Variants in PLPPR1 observed in about 807,000 individuals in gnomAD.
PLPPR1 encodes the protein phospholipid phosphatase related 1, also known as phospholipid phosphatase-related protein type 1.
Under a neutral mutation model 33.1 loss-of-function variants are expected in PLPPR1, and 10 were observed. The ratio of observed to expected loss-of-function variants is 0.30; its 90% CI spans 0.19 to 0.51. PLPPR1 has a LOEUF of 0.51. PLPPR1 is among the 20% of genes least tolerant of loss of function. PLPPR1 has a pLI of 0.97. For synonymous variants in PLPPR1, 151 were observed against 151.0 expected, an observed-to-expected ratio of 1.00 and a Z score of 0.00; for missense variants, 304 against 408.1, an observed-to-expected ratio of 0.74 and a Z score of 2.20.
chr9:101,181,144 T>C (rs1262612706), intron 1 of PLPPR1, among the ~76,000 whole-genome samples: 2 of 147,732 alleles, frequency 1.4e-5, no homozygotes, highest in African/African-American at 4.9e-5. Flanking sequence ...ATATCTAATA[T>C]ATATTAGATA....
At chr9:101,266,521 C>T (rs1285875867) in intron 2 of PLPPR1, among the ~76,000 whole-genome samples, 1 of 152,114 alleles carries the variant, frequency 6.6e-6, no homozygotes, top group Non-Finnish European at 1.5e-5. Flanking sequence ...GGTGGGTGGT[C>T]AGTTCTGTCA....
At chr9:101,149,072 C>T (rs1831553090) in intron 1 of PLPPR1, among the ~76,000 whole-genome samples, 1 of 152,116 alleles carries the variant, frequency 6.6e-6, no homozygotes, top group South Asian at 2.1e-4. Context: ...GTAATAAGCA[C>T]CAGTGTTATG....
At chr9:101,304,356 C>T (rs571414535) in intron 4 of PLPPR1, among the ~76,000 whole-genome samples, 1 of 152,310 alleles carries the variant, frequency 6.6e-6, no homozygotes, top group East Asian at 1.9e-4. Flanking sequence ...GCAATTCATT[C>T]ATTGATCCCA....
chr9:101,109,636 G>T (rs1831026011), intron 1 of PLPPR1, among the ~76,000 whole-genome samples: 1 of 152,108 alleles, frequency 6.6e-6, no homozygotes, highest in Non-Finnish European at 1.5e-5. Context: ...TACATAGTAG[G>T]TTCATGCACA....
intron 1 of PLPPR1, among the ~76,000 whole-genome samples, chr9:101,140,272 G>T (rs180802840): frequency 2.0e-5 from 3 of 152,104 alleles, no homozygotes; most frequent in Non-Finnish European, 4.4e-5. Flanking sequence ...TAGAGAAAGT[G>T]GATTGCTGAA....
intron 1 of PLPPR1, among the ~76,000 whole-genome samples, chr9:101,127,191 G>A (rs1264713075): frequency 6.6e-6 from 1 of 152,242 alleles, no homozygotes; most frequent in East Asian, 1.9e-4. Context: ...ATCCTCGGGT[G>A]TCCTTTGACG....
chr9:101,069,510 AG>A, intron 1 of PLPPR1, among the ~76,000 whole-genome samples: 1 of 152,208 alleles, frequency 6.6e-6, no homozygotes, highest in South Asian at 2.1e-4. Context: ...CTGAGTTAGA[AG>A]GCATCTTGGA....
chr9:101,317,397 G>T lies in PLPPR1; in HGVS notation c.846G>T (p.Thr282=), dbSNP rs533546396. The change falls in exon 7 of 8, where the codon ACG becomes ACT. Residue 282 remains threonine, a synonymous_variant. Coordinates refer to ENST00000374874, the MANE Select transcript of PLPPR1 (RefSeq NM_207299.2). ...GTGTGGTTCATAACTTTAAAGGAAC[G>T]CAAGGATCTCCTTCCAAACCCAAGC... ...GMCVVHNFKG[T]QGSPSKPKPE... is the part of the protein sequence containing the mutation. 6.2e-7 allele frequency: 1 copy of T among 1,614,014 alleles called. No homozygotes were observed. Among genetic ancestry groups the T allele is most frequent in the East Asian group, 2.2e-5 (1 of 44,868 alleles).
At chr9:101,142,855 T>C (rs1453879104) in intron 1 of PLPPR1, among the ~76,000 whole-genome samples, 3 of 152,112 alleles carry the variant, frequency 2.0e-5, no homozygotes, top group Non-Finnish European at 4.4e-5. Context: ...TGAGATCAGA[T>C]TGTGATAAGT....
At chr9:101,185,672 A>G (rs1826191543) in intron 2 of PLPPR1, 115 bp downstream of exon 2, 1 of 633,040 alleles carries the variant, frequency 1.6e-6, no homozygotes. Flanking sequence ...CAATTTTGAT[A>G]GCACAAATAT....
At chr9:101,124,233 T>C (rs1182876986) in intron 1 of PLPPR1, among the ~76,000 whole-genome samples, 1 of 152,130 alleles carries the variant, frequency 6.6e-6, no homozygotes, top group Non-Finnish European at 1.5e-5. Context: ...ATCTCCCCTT[T>C]CCCTTTTTCA....
intron 2 of PLPPR1, among the ~76,000 whole-genome samples, chr9:101,207,501 T>G (rs1483960867): frequency 6.6e-6 from 1 of 152,174 alleles, no homozygotes; most frequent in East Asian, 1.9e-4. Flanking sequence ...AGATGCATTT[T>G]TTTGAAAGTC....
At chr9:101,310,007 C>A (rs1417929164) in intron 5 of PLPPR1, among the ~76,000 whole-genome samples, 1 of 152,156 alleles carries the variant, frequency 6.6e-6, no homozygotes, top group Non-Finnish European at 1.5e-5. Context: ...CTAGAAAAAC[C>A]TCAACACCCC....
At chr9:101,079,869 G>A (rs376171007) in intron 1 of PLPPR1, among the ~76,000 whole-genome samples, 9 of 152,104 alleles carry the variant, frequency 5.9e-5, no homozygotes, top group African/African-American at 2.2e-4. Flanking sequence ...GAGCCACCAC[G>A]CCCAGCCTAG....
intron 4 of PLPPR1, among the ~76,000 whole-genome samples, chr9:101,293,200 CA>C (rs1388065580): frequency 6.6e-6 from 1 of 150,810 alleles, no homozygotes; most frequent in African/African-American, 2.5e-5. Context: ...TCAAAAGAGA[CA>C]AAAAAGGCCA....
intron 4 of PLPPR1, among the ~76,000 whole-genome samples, chr9:101,302,499 A>C (rs540089996): frequency 1.2e-4 from 18 of 152,328 alleles, no homozygotes; most frequent in African/African-American, 3.6e-4. Flanking sequence ...CTTGGCAAAA[A>C]TGGAATTAGA....
intron 7 of PLPPR1, 112 bp from the exon 8 acceptor site, chr9:101,323,913 A>G: frequency 2.6e-6 from 2 of 759,106 alleles, no homozygotes; most frequent in Non-Finnish European, 4.4e-6. Context: ...GGGGGACGGA[A>G]CAGCCTGTGT....
chr9:101,087,109 T>C (rs1386874462), intron 1 of PLPPR1, among the ~76,000 whole-genome samples: 2 of 151,214 alleles, frequency 1.3e-5, no homozygotes, highest in Non-Finnish European at 2.9e-5. Flanking sequence ...ATCCAGGAGG[T>C]AGAGGTTGCA....
At chr9:101,280,917 G>A (rs1394365816) in intron 3 of PLPPR1, among the ~76,000 whole-genome samples, 1 of 151,998 alleles carries the variant, frequency 6.6e-6, no homozygotes, top group Non-Finnish European at 1.5e-5. Context: ...GGAAGTGCTA[G>A]CTAGAGCAAT....
Sources: allele counts gnomAD v4.1 joint callset (sites outside exome capture counted in the v4.1 genomes callset), GRCh38; gene constraint gnomAD v4.1.1; transcripts MANE v1.5; gene names NCBI Gene and HGNC (gene_info 2026-07-23, HGNC 2026-07-21).